Variants in TEAD4 observed in about 807,000 individuals in gnomAD.
TEAD4 encodes the protein TEA domain transcription factor 4.
TEAD4 carries 36 observed loss-of-function variants against 52.4 expected under a neutral mutation model. The observed-to-expected ratio is 0.69, with a 90% CI of 0.53 to 0.91. The LOEUF is 0.91. Among genes scored for constraint, TEAD4 ranks in the 40% least tolerant of loss-of-function variants. The pLI is 0.00. For missense variants in TEAD4, 508 were observed against 583.9 expected, an observed-to-expected ratio of 0.87 and a Z score of 1.34; for synonymous variants, 220 against 231.0, an observed-to-expected ratio of 0.95 and a Z score of 0.43.
chr12:3,013,760 A>T (rs907734269), intron 5 of TEAD4, among the ~76,000 whole-genome samples: 1 of 152,146 alleles, frequency 6.6e-6, no homozygotes, highest in African/African-American at 2.4e-5. Flanking sequence ...CTAGCTGGGC[A>T]TGCACGCCTG....
chr12:2,986,226 G>A (rs529414411), intron 2 of TEAD4, among the ~76,000 whole-genome samples: 2 of 152,168 alleles, frequency 1.3e-5, no homozygotes, highest in South Asian at 2.1e-4. Context: ...GCAGTAACTC[G>A]CATGGAGATA....
intron 10 of TEAD4, among the ~76,000 whole-genome samples, chr12:3,023,075 T>C (rs920062664): frequency 2.3e-4 from 35 of 152,128 alleles, no homozygotes; most frequent in Non-Finnish European, 4.3e-4. Context: ...CAGCTGAACA[T>C]GGGGGCAGGC....
chr12:3,039,940 G>A (rs2153958954), intron 11 of TEAD4, among the ~76,000 whole-genome samples, 167 bp from the exon 12 acceptor site: 1 of 152,312 alleles, frequency 6.6e-6, no homozygotes, highest in South Asian at 2.1e-4. Flanking sequence ...GCCTGCCTTG[G>A]CCTCCCAAAG....
chr12:2,967,030 T>G (rs2098221012), intron 2 of TEAD4, among the ~76,000 whole-genome samples: 2 of 152,124 alleles, frequency 1.3e-5, no homozygotes, highest in Non-Finnish European at 2.9e-5. Context: ...TTATGGGCGT[T>G]GAGGGTAGCA....
At chr12:3,019,834 G>A (rs908511948) in intron 8 of TEAD4, among the ~76,000 whole-genome samples, 1 of 152,162 alleles carries the variant, frequency 6.6e-6, no homozygotes, top group Non-Finnish European at 1.5e-5. Flanking sequence ...CCTGAAGGCT[G>A]CTTTCTCTCG....
intron 2 of TEAD4, among the ~76,000 whole-genome samples, chr12:2,962,866 C>T (rs936921057): frequency 6.6e-6 from 1 of 152,144 alleles, no homozygotes; most frequent in South Asian, 2.1e-4. Flanking sequence ...GGATTAGAAC[C>T]TATGCTCTCC....
At chr12:2,978,142 G>T (rs2098231226) in intron 2 of TEAD4, among the ~76,000 whole-genome samples, 1 of 152,078 alleles carries the variant, frequency 6.6e-6, no homozygotes, top group African/African-American at 2.4e-5. Context: ...CAGGTCCCCT[G>T]CAGACCCTCT....
At chr12:3,003,930 C>G (rs528926460) in intron 3 of TEAD4, among the ~76,000 whole-genome samples, 15 of 152,346 alleles carry the variant, frequency 9.8e-5, no homozygotes, top group Admixed American at 3.3e-4. Context: ...ACCACCTCAG[C>G]TGGGTGCTTT....
intron 2 of TEAD4, among the ~76,000 whole-genome samples, chr12:2,962,344 A>AAG (rs2098216448): frequency 8.4e-6 from 1 of 118,898 alleles, no homozygotes; most frequent in Admixed American, 9.3e-5. Flanking sequence ...ATATATATAT[A>AAG]TATTTTTTGA....
At chr12:2,966,904 A>G (rs1278318794) in intron 2 of TEAD4, among the ~76,000 whole-genome samples, 1 of 152,064 alleles carries the variant, frequency 6.6e-6, no homozygotes, top group Non-Finnish European at 1.5e-5. Flanking sequence ...ATGTGGTTTC[A>G]CCATGCTGGC....
At chr12:2,966,670 C>G (rs1442990525) in intron 2 of TEAD4, among the ~76,000 whole-genome samples, 3 of 151,948 alleles carry the variant, frequency 2.0e-5, no homozygotes, top group African/African-American at 7.3e-5. Context: ...CTTGACCTCC[C>G]AGAGTGTTGG....
At chr12:3,003,178 A>G (rs1470767102) in intron 3 of TEAD4, among the ~76,000 whole-genome samples, 1 of 152,158 alleles carries the variant, frequency 6.6e-6, no homozygotes, top group Non-Finnish European at 1.5e-5. Flanking sequence ...ACAGTGAACC[A>G]AAGATGTCCA....
At position 3,040,114 on chromosome 12, in the gene TEAD4, A is replaced by G; in HGVS notation, c.1046A>G (p.Tyr349Cys). The G allele has an allele frequency of 1.2e-6, 2 of 1,614,094 alleles. No individual in the cohort carries two copies. The highest frequency in any genetic ancestry group is 1.7e-6 in the Non-Finnish European group (2 of 1,180,014). The change falls in exon 12 of 13, where the codon TAT becomes TGT. Residue 349 changes from tyrosine to cysteine, a missense_variant. By Grantham distance (194) the Tyr-to-Cys change is radical. Coordinates refer to ENST00000359864, the MANE Select transcript of TEAD4 (RefSeq NM_003213.4). ...TCTCCCCGGGTCCTGCAGACAGAGT[A>G]TGCTCGCTATGAGAATGGACACTAC...
Position 3,012,201 on chromosome 12 carries a change from G to A in TEAD4, c.323G>A (p.Arg108His), listed in dbSNP as rs754294061. ...AGCCACATCCAGGTGCTGGCTCGTC[G>A]CAAAGCTCGCGAGATCCAGGCCAAG... Residue 108 changes from arginine (R) to histidine (H), a missense_variant, in exon 5 of 13, where the codon CGC (arginine) becomes CAC (histidine). Transcript: ENST00000359864. 5.6e-6 allele frequency: 9 copies of A among 1,614,022 alleles called. No homozygotes were observed. The highest frequency in any genetic ancestry group is 3.3e-5 in the South Asian group (3 of 91,068).
chr12:3,032,072 G>A (rs1025495646), intron 10 of TEAD4, among the ~76,000 whole-genome samples: 9 of 152,218 alleles, frequency 5.9e-5, no homozygotes, highest in South Asian at 2.1e-4. Flanking sequence ...CTTCTTGGGC[G>A]TTCTCGACCT....
rs1277568589 is a variant in TEAD4, at chr12:2,994,713, G to A, written c.-29-25G>A. ...CCACGCAGTTCTTCCACTGCTCACC[G>A]GGGCTGTGGTTCCTGTCCCCACAGG... On this transcript the variant is annotated intron_variant, in intron 2 of 12. Transcript: ENST00000359864. The surrounding 1 kb of genome is among the most constrained non-coding windows in gnomAD (Gnocchi z 4.7). The A allele has an allele frequency of 6.5e-6, 10 of 1,537,414 alleles. No individual in the cohort carries two copies. The highest frequency in any genetic ancestry group is 2.5e-5 in the South Asian group (2 of 78,864).
intron 2 of TEAD4, among the ~76,000 whole-genome samples, chr12:2,963,037 G>C (rs529449469): frequency 5.3e-5 from 8 of 152,288 alleles, no homozygotes; most frequent in Non-Finnish European, 1.0e-4. Flanking sequence ...ACTCTGCTCC[G>C]ACCTGGCAGA....
intron 9 of TEAD4, among the ~76,000 whole-genome samples, chr12:3,021,384 T>C (rs1284024125): frequency 6.6e-6 from 1 of 151,432 alleles, no homozygotes; most frequent in East Asian, 1.9e-4. Context: ...GATCTCAGCT[T>C]ACTGCAACTT....
intron 11 of TEAD4, 37 bp downstream of exon 11, chr12:3,038,145 G>A: frequency 6.3e-7 from 1 of 1,595,722 alleles, no homozygotes; most frequent in Admixed American, 1.7e-5. Flanking sequence ...GCCGGTGGCA[G>A]TGGTCTGTGT....
Sources: gnomAD v4.1 joint callset for allele counts (sites outside exome capture counted in the v4.1 genomes callset) on GRCh38, gnomAD v4.1.1 for gene constraint, Gnocchi (gnomAD v3.1) non-coding constraint, MANE v1.5 for transcripts, NCBI Gene and HGNC (gene_info 2026-07-23, HGNC 2026-07-21) for gene names.